The following RBM20 variants were observed in gnomAD, a reference collection of about 807,000 sequenced individuals.
RBM20 encodes RNA binding motif protein 20.
In RBM20, 51 loss-of-function variants were observed where a neutral mutation model predicts 110.1. The ratio of observed to expected loss-of-function variants is 0.46; its 90% CI spans 0.37 to 0.59. The LOEUF is 0.59. Ranked by LOEUF, RBM20 falls within the 20% of genes least tolerant of loss-of-function variation. The probability of loss-of-function intolerance (pLI) is 0.00; values close to 1 mark genes in which losing one functional copy is unlikely to be tolerated. For missense variants in RBM20, 1,512 were observed against 1,574.9 expected, an observed-to-expected ratio of 0.96 and a Z score of 0.68; for synonymous variants, 589 against 618.2, an observed-to-expected ratio of 0.95 and a Z score of 0.70.
At chr10:110,703,335 G>A (rs1034435378) in intron 1 of RBM20, among the ~76,000 whole-genome samples, 8 of 150,602 alleles carry the variant, frequency 5.3e-5, no homozygotes, top group South Asian at 2.1e-4. Context: ...CTCAGATTGC[G>A]CCATTGCACT....
chr10:110,682,056 A>AT (rs1293582848), intron 1 of RBM20, among the ~76,000 whole-genome samples: 1 of 151,868 alleles, frequency 6.6e-6, no homozygotes, highest in Non-Finnish European at 1.5e-5. Context: ...TGCCCGGCTA[A>AT]TTTTTTTGTA....
chr10:110,800,724 G>GTATA (rs921015668), intron 7 of RBM20, among the ~76,000 whole-genome samples: 6 of 152,106 alleles, frequency 3.9e-5, no homozygotes, highest in African/African-American at 1.4e-4. Flanking sequence ...TCTATCACCT[G>GTATA]TATATGCCTC....
intron 9 of RBM20, among the ~76,000 whole-genome samples, chr10:110,818,125 CA>C (rs11317341): frequency 0.98 from 135,259 of 138,448 alleles, 66,066 homozygotes; most frequent in Non-Finnish European, 0.99. Context: ...ACTAAAAATA[CA>C]AAAAAAAAAA....
At chr10:110,720,791 C>G (rs142140896) in intron 1 of RBM20, among the ~76,000 whole-genome samples, 1 of 152,134 alleles carries the variant, frequency 6.6e-6, no homozygotes, top group African/African-American at 2.4e-5. Flanking sequence ...CTGGAGTGAC[C>G]GTTGAAAATG....
intron 1 of RBM20, among the ~76,000 whole-genome samples, chr10:110,769,638 G>A (rs1055774029): frequency 5.3e-5 from 8 of 152,112 alleles, no homozygotes; most frequent in African/African-American, 1.9e-4. Context: ...CCATGGAAGA[G>A]GAAGCCCATT....
intron 1 of RBM20, among the ~76,000 whole-genome samples, chr10:110,653,967 T>C (rs2134810792): frequency 6.6e-6 from 1 of 152,340 alleles, no homozygotes; most frequent in Non-Finnish European, 1.5e-5. Context: ...GACTGTTGTT[T>C]CTTCATGACC....
At chr10:110,775,920 CTCTGTCTTCAGGCCAGCA>C (rs1844256666) in intron 1 of RBM20, among the ~76,000 whole-genome samples, 1 of 152,224 alleles carries the variant, frequency 6.6e-6, no homozygotes. Context: ...CTGCCTGTAC[CTCTGTCTTCAGGCCAGCA>C]TCTTCTGAGT....
At chr10:110,760,658 G>A (rs184477676) in intron 1 of RBM20, among the ~76,000 whole-genome samples, 103 of 150,192 alleles carry the variant, frequency 6.9e-4, no homozygotes, top group African/African-American at 2.3e-3. Context: ...GGTCAGACTG[G>A]TCTCGAACTC....
At chr10:110,698,578 T>C (rs1862706336) in intron 1 of RBM20, among the ~76,000 whole-genome samples, 1 of 152,202 alleles carries the variant, frequency 6.6e-6, no homozygotes, top group Non-Finnish European at 1.5e-5. Flanking sequence ...CTTCTCCTCT[T>C]ACAGCCTGAC....
rs369376442 is a variant in RBM20 at position 110,650,962 on chromosome 10, A to G, written c.191+6317A>G. ...TGATATTTTCAGGTGTAAAATGAGC[A>G]TCTTTGCTCTAAGTTAATTACTGGG... is the stretch of plus-strand genomic sequence containing the variant. On this transcript the variant is annotated intron_variant, in intron 1 of 13. Transcript: ENST00000369519. Among the ~76,000 whole-genome samples, 16 of 152,228 alleles carry G rather than the reference A, an allele frequency of 1.1e-4. No homozygotes were observed. In the East Asian group the frequency reaches 1.9e-3, roughly 18 times the overall value.
intron 1 of RBM20, among the ~76,000 whole-genome samples, chr10:110,773,685 C>G (rs1844222948): frequency 6.6e-6 from 1 of 152,170 alleles, no homozygotes; most frequent in Admixed American, 6.5e-5. Flanking sequence ...TGTGATGACA[C>G]TAGCAGAATG....
chr10:110,799,734 T>C, intron 6 of RBM20, 53 bp from the exon 7 acceptor site: 1 of 1,514,766 alleles, frequency 6.6e-7, no homozygotes. Flanking sequence ...TGCTGAATCT[T>C]GTTTAAGACC....
At chr10:110,681,900 T>G (rs1862428525) in intron 1 of RBM20, among the ~76,000 whole-genome samples, 1 of 152,118 alleles carries the variant, frequency 6.6e-6, no homozygotes, top group Non-Finnish European at 1.5e-5. Context: ...TTTTTGTTGT[T>G]GTTGTTGAGA....
At chr10:110,703,668 C>T (rs938020516) in intron 1 of RBM20, among the ~76,000 whole-genome samples, 2 of 152,178 alleles carry the variant, frequency 1.3e-5, no homozygotes, top group African/African-American at 2.4e-5. Context: ...ATGTTTCCAG[C>T]ACTACAGTCG....
chr10:110,712,293 T>G (rs1338296957), intron 1 of RBM20, among the ~76,000 whole-genome samples: 2 of 152,198 alleles, frequency 1.3e-5, no homozygotes, highest in African/African-American at 4.8e-5. Context: ...GTATGTTTGA[T>G]TGTGTGGTTG....
At chr10:110,798,822 A>G (rs183343345) in intron 6 of RBM20, among the ~76,000 whole-genome samples, 1 of 152,216 alleles carries the variant, frequency 6.6e-6, no homozygotes, top group Admixed American at 6.5e-5. Context: ...CCCCTGCAGC[A>G]TTGAGGAATC....
intron 1 of RBM20, among the ~76,000 whole-genome samples, chr10:110,751,018 A>G (rs951387996): frequency 5.3e-5 from 8 of 152,226 alleles, no homozygotes; most frequent in African/African-American, 1.9e-4. Context: ...AGAGTGACGT[A>G]GGGCATGCTT....
chr10:110,757,194 AT>A (rs1843933125), intron 1 of RBM20, among the ~76,000 whole-genome samples: 2 of 152,118 alleles, frequency 1.3e-5, no homozygotes, highest in Admixed American at 1.3e-4. Flanking sequence ...CTAATTGCTT[AT>A]TATTCTCCCA....
chr10:110,772,725 T>C (rs904059406), intron 1 of RBM20, among the ~76,000 whole-genome samples: 1 of 152,232 alleles, frequency 6.6e-6, no homozygotes, highest in African/African-American at 2.4e-5. Context: ...ACTGTATATA[T>C]AACAATGGTT....
Sources: gnomAD v4.1 joint callset for allele counts (sites outside exome capture counted in the v4.1 genomes callset) on GRCh38, gnomAD v4.1.1 for gene constraint, MANE v1.5 for transcripts, NCBI Gene and HGNC (gene_info 2026-07-23, HGNC 2026-07-21) for gene names.